CERS6: variants seen among roughly 807,000 people sequenced by gnomAD.
CERS6 encodes the protein ceramide synthase 6.
CERS6 carries 26 observed loss-of-function variants against 56.8 expected under a neutral mutation model. That is an observed-to-expected ratio of 0.46 (90% CI 0.34 to 0.63). CERS6 has a LOEUF of 0.63. Among genes scored for constraint, CERS6 ranks in the 30% least tolerant of loss-of-function variants. The pLI is 0.01. For synonymous variants in CERS6, 164 were observed against 173.3 expected (o/e 0.95, Z 0.42); for missense variants, 415 against 467.5 (o/e 0.89, Z 1.04).
chr2:168,494,922 A>C (rs566317209), intron 1 of CERS6, among the ~76,000 whole-genome samples: 4 of 152,194 alleles, frequency 2.6e-5, no homozygotes, highest in African/African-American at 9.6e-5. Context: ...TAAGGAATGA[A>C]TCTCTGGGTT....
At chr2:168,730,538 T>C (rs1683496915) in intron 8 of CERS6, among the ~76,000 whole-genome samples, 1 of 152,130 alleles carries the variant, frequency 6.6e-6, no homozygotes, top group Non-Finnish European at 1.5e-5. Context: ...AAGGAAGAGT[T>C]CTGGCATAAA....
intron 1 of CERS6, among the ~76,000 whole-genome samples, chr2:168,513,681 G>T (rs1249385514): frequency 1.3e-5 from 2 of 152,186 alleles, no homozygotes; most frequent in Non-Finnish European, 2.9e-5. Flanking sequence ...AGGTTTCTCT[G>T]CTCGAAAGTT....
intron 4 of CERS6, among the ~76,000 whole-genome samples, chr2:168,668,245 A>T (rs1311755253): frequency 4.0e-5 from 6 of 151,856 alleles, no homozygotes; most frequent in African/African-American, 1.5e-4. Flanking sequence ...CTCTTTCCTA[A>T]CCCCATTATT....
In CERS6 at chr2:168,456,861, C is replaced by T. The variant is rs1019511768; in HGVS notation, c.170+243C>T. 2.0e-5 allele frequency among the ~76,000 whole-genome samples: 3 copies of T among 152,222 alleles called. No homozygotes were observed. The highest frequency in any genetic ancestry group is 7.2e-5 in the African/African-American group (3 of 41,468). On this transcript the variant is annotated intron_variant, in intron 1 of 9. Transcript: ENST00000305747. The surrounding 1 kb of genome is among the most constrained non-coding windows in gnomAD (Gnocchi z 4.1). Reference sequence around the variant, plus strand: ...GAGGAGCCGCGGAGCGTTAGGGTCGCCCCCTGCCCTCCTCCTGGGCCCTGC... The same window carrying T: ...GAGGAGCCGCGGAGCGTTAGGGTCGTCCCCTGCCCTCCTCCTGGGCCCTGC...
chr2:168,689,024 A>G (rs1273256121), intron 4 of CERS6, among the ~76,000 whole-genome samples: 1 of 152,198 alleles, frequency 6.6e-6, no homozygotes. Context: ...CTGTCACTGC[A>G]AGGGATGGGC....
At chr2:168,547,301 T>C (rs943242212) in intron 1 of CERS6, among the ~76,000 whole-genome samples, 3 of 152,252 alleles carry the variant, frequency 2.0e-5, no homozygotes, top group Non-Finnish European at 2.9e-5. Flanking sequence ...TTCTATCTTA[T>C]ACACTTATAT....
intron 3 of CERS6, among the ~76,000 whole-genome samples, chr2:168,610,616 A>T (rs1684164584): frequency 6.6e-6 from 1 of 152,168 alleles, no homozygotes; most frequent in Non-Finnish European, 1.5e-5. Flanking sequence ...TCCCTATGAA[A>T]ATTCTATGCT....
intron 3 of CERS6, among the ~76,000 whole-genome samples, chr2:168,588,129 A>AT (rs1683588123): frequency 7.0e-6 from 1 of 143,622 alleles, no homozygotes; most frequent in African/African-American, 2.6e-5. Flanking sequence ...TATGTTGCCC[A>AT]TGCTAGTATC....
intron 3 of CERS6, among the ~76,000 whole-genome samples, chr2:168,595,423 G>A (rs1025689873): frequency 1.3e-5 from 2 of 152,162 alleles, no homozygotes; most frequent in African/African-American, 4.8e-5. Context: ...TAGATTGAAT[G>A]TTGAGACACT....
chr2:168,518,705 C>G (rs1694925933), intron 1 of CERS6, among the ~76,000 whole-genome samples: 1 of 152,172 alleles, frequency 6.6e-6, no homozygotes, highest in Admixed American at 6.5e-5. Context: ...TGTAGGGCCT[C>G]TGATCACTTA....
chr2:168,634,944 G>T (rs140912971), intron 4 of CERS6, among the ~76,000 whole-genome samples: 6 of 152,292 alleles, frequency 3.9e-5, no homozygotes, highest in African/African-American at 1.4e-4. Flanking sequence ...CTACCAGTCT[G>T]CAATGAGATA....
rs1009634315 is a variant in CERS6, at chr2:168,691,230, G to T, written c.516+146G>T. ...GCTGATCAGTGCTGGACATAATCTA[G>T]TGAGGATAGTAATTTGTGCATTATT... On this transcript the variant is annotated intron_variant, in intron 5 of 9. Transcript: ENST00000305747. The T allele has an allele frequency of 4.3e-6, 3 of 697,728 alleles. No homozygotes were observed. The South Asian group carries it at 5.1e-5, about 12-fold the overall frequency. The allele number at this position is 697,728 out of a possible 1,614,324, so 43.2% of individuals were successfully genotyped here.
chr2:168,663,002 A>T (rs1302209161), intron 4 of CERS6, among the ~76,000 whole-genome samples: 1 of 152,230 alleles, frequency 6.6e-6, no homozygotes, highest in African/African-American at 2.4e-5. Flanking sequence ...CCTGGAATCC[A>T]GTGTGAATGG....
intron 4 of CERS6, among the ~76,000 whole-genome samples, chr2:168,631,958 T>TTTA (rs1226182023): frequency 2.0e-5 from 3 of 148,508 alleles, no homozygotes; most frequent in Non-Finnish European, 4.4e-5. Flanking sequence ...CAGCACTAAC[T>TTTA]GCTGGTGGAA....
chr2:168,769,159 T>C (rs1267158074), intron 9 of CERS6, among the ~76,000 whole-genome samples: 4 of 152,152 alleles, frequency 2.6e-5, no homozygotes, highest in Non-Finnish European at 5.9e-5. Flanking sequence ...AATGAGTAAA[T>C]TGATCCATTT....
chr2:168,578,846 G>A (rs919615095), intron 3 of CERS6, among the ~76,000 whole-genome samples: 3 of 151,934 alleles, frequency 2.0e-5, no homozygotes, highest in Admixed American at 6.6e-5. Context: ...AGTAATCCTC[G>A]GCCTCTGATA....
At chr2:168,603,542 C>T (rs975319226) in intron 3 of CERS6, among the ~76,000 whole-genome samples, 8 of 152,188 alleles carry the variant, frequency 5.3e-5, no homozygotes, top group African/African-American at 1.9e-4. Flanking sequence ...ATTAAACTGG[C>T]CGTACCAGAT....
At position 168,456,894 on chromosome 2, in the gene CERS6, C is replaced by T. The variant is rs1029053420; in HGVS notation, c.170+276C>T. On this transcript the variant is annotated intron_variant, in intron 1 of 9. Coordinates refer to ENST00000305747, the MANE Select transcript of CERS6 (RefSeq NM_203463.3). The surrounding 1 kb of genome is among the most constrained non-coding windows in gnomAD (Gnocchi z 4.1). ...CCTCCTCCTGGGCCCTGCTCTCCTC[C>T]CGGCAAGGGCAGGCGAACAAAGGTG... 6.6e-6 allele frequency among the ~76,000 whole-genome samples: 1 copy of T among 152,206 alleles called. No individual in the cohort carries two copies. Among genetic ancestry groups the T allele is most frequent in the Non-Finnish European group, 1.5e-5 (1 of 68,026 alleles).
intron 3 of CERS6, among the ~76,000 whole-genome samples, chr2:168,610,873 T>C (rs534749652): frequency 1.3e-5 from 2 of 152,284 alleles, no homozygotes; most frequent in African/African-American, 4.8e-5. Flanking sequence ...AGTGGTGCAA[T>C]CTCGGCTCAC....
Sources: gnomAD v4.1 joint callset for allele counts (sites outside exome capture counted in the v4.1 genomes callset) on GRCh38, gnomAD v4.1.1 for gene constraint, Gnocchi (gnomAD v3.1) non-coding constraint, MANE v1.5 for transcripts, NCBI Gene and HGNC (gene_info 2026-07-23, HGNC 2026-07-21) for gene names.